The following TLE6 variants were observed in gnomAD, a reference collection of about 807,000 sequenced individuals.
TLE6 encodes TLE family member 6, subcortical maternal complex member, also known as transducin-like enhancer protein 6.
In TLE6, 72 loss-of-function variants were observed where a neutral mutation model predicts 77.1. That is an observed-to-expected ratio of 0.93 (90% CI 0.77 to 1.14). TLE6 has a LOEUF of 1.14. Among genes scored for constraint, TLE6 ranks in the 50% most tolerant of loss-of-function variants. The probability of loss-of-function intolerance (pLI) is 0.00; values close to 1 mark genes in which losing one functional copy is unlikely to be tolerated. For missense variants in TLE6, 843 were observed against 747.6 expected (o/e 1.13, Z -1.49); for synonymous variants, 366 against 287.3 (o/e 1.27, Z -2.77).
At chr19:2,992,219 TC>T (rs1337515986) in intron 14 of TLE6, among the ~76,000 whole-genome samples, 1 of 152,034 alleles carries the variant, frequency 6.6e-6, no homozygotes, top group Non-Finnish European at 1.5e-5. Context: ...ACACCTGTAA[TC>T]CCAGCACTTT....
In TLE6 at chr19:2,980,134, C is replaced by T. The variant is rs1484029628; in HGVS notation, c.86C>T (p.Pro29Leu). Reference sequence around the variant, plus strand: ...GGGATCTCGAACTCTGAGAGCTCTCCGACGCTGAATTATCAGGGCATTCTA... The same window carrying T: ...GGGATCTCGAACTCTGAGAGCTCTCTGACGCTGAATTATCAGGGCATTCTA... ...CPGISNSESS[P>L]TLNYQGILNR... The change falls in exon 3 of 17, where the codon CCG becomes CTG. Residue 29 changes from proline to leucine, a missense_variant. Pro to Leu is a moderately conservative substitution (Grantham distance 98, BLOSUM62 -3). Coordinates refer to ENST00000246112, the MANE Select transcript of TLE6 (RefSeq NM_001143986.2). 1.0e-5 allele frequency: 16 copies of T among 1,550,120 alleles called. No individual in the cohort carries two copies. The highest frequency in any genetic ancestry group is 4.9e-5 in the East Asian group (2 of 40,834).
At chr19:2,980,622 A>G (rs1189336121) in intron 3 of TLE6, among the ~76,000 whole-genome samples, 4 of 151,596 alleles carry the variant, frequency 2.6e-5, no homozygotes, top group Non-Finnish European at 5.9e-5. Context: ...TGTAATCCCA[A>G]CTACTTGGGA....
intron 5 of TLE6, among the ~76,000 whole-genome samples, chr19:2,984,973 G>A (rs2088877544): frequency 6.6e-6 from 1 of 152,014 alleles, no homozygotes; most frequent in Non-Finnish European, 1.5e-5. Flanking sequence ...ACACCAGACT[G>A]GGTGAGGTGG....
chr19:2,979,408 G>A (rs865785134), intron 2 of TLE6, among the ~76,000 whole-genome samples: 20 of 151,626 alleles, frequency 1.3e-4, no homozygotes, highest in Middle Eastern at 3.4e-3. Context: ...CACCACGCCC[G>A]GCTAATTTTT....
chr19:2,986,257 T>A (rs746882515), intron 5 of TLE6, among the ~76,000 whole-genome samples: 8 of 146,802 alleles, frequency 5.4e-5, no homozygotes, highest in Non-Finnish European at 1.0e-4. Flanking sequence ...CTACAAAAAG[T>A]GTATTTAAAT....
Position 2,994,105 on chromosome 19 carries a change from T to TG in TLE6, c.1614+13dup. On this transcript the variant is annotated intron_variant, in intron 16 of 16. Coordinates refer to ENST00000246112, the MANE Select transcript of TLE6 (RefSeq NM_001143986.2). The stretch of plus-strand genomic sequence containing the variant: ...GACAAAAGTGTTCGAGGTACTGCGG[T>TG]GGGCTGGGGGCAGGACCCGGGGGTG... The TG allele has an allele frequency of 6.6e-7, 1 of 1,509,900 alleles. No individual in the cohort carries two copies. 93.5% of individuals were successfully genotyped at this position (1,509,900 alleles called of 1,614,324 possible).
intron 3 of TLE6, 197 bp downstream of exon 3, chr19:2,980,379 A>C: frequency 2.5e-6 from 1 of 408,054 alleles, no homozygotes; most frequent in African/African-American, 2.1e-5. Flanking sequence ...ATTACCAACA[A>C]ATATTAAAAT....
Position 2,988,082 on chromosome 19 carries a change from C to A in TLE6, c.703-9C>A. 1 of 1,552,770 alleles carries A rather than the reference C, an allele frequency of 6.4e-7. No homozygotes were observed. The highest frequency in any genetic ancestry group is 8.7e-7 in the Non-Finnish European group (1 of 1,147,560). On this transcript the variant is annotated splice_polypyrimidine_tract_variant and intron_variant, in intron 10 of 16. Transcript: ENST00000246112. ...GGCTGGGGGCAGCTGTGATCTCCCC[C>A]GCCTGCAGGAGCCTCCTGGAAGAGC...
chr19:2,987,213 T>C lies in TLE6; in HGVS notation c.516T>C (p.Asp172=). The change falls in exon 7 of 17, where the codon GAT becomes GAC. Residue 172 remains aspartate, a synonymous_variant. Transcript: ENST00000246112. ...GGCGGATTTTTGCCGGCGTCCACGA[T>C]GAGAAGGCAAAGCCCAGAGACAGAC... is the stretch of plus-strand genomic sequence containing the variant. The part of the protein sequence containing the change: ...QLWRIFAGVH[D]EKAKPRDRQQ... The C allele has an allele frequency of 6.2e-7, 1 of 1,614,042 alleles. No individual in the cohort carries two copies. Among genetic ancestry groups the C allele is most frequent in the Non-Finnish European group, 8.5e-7 (1 of 1,179,990 alleles).
At chr19:2,982,934 G>A (rs2088829184) in intron 5 of TLE6, among the ~76,000 whole-genome samples, 1 of 152,148 alleles carries the variant, frequency 6.6e-6, no homozygotes, top group Admixed American at 6.5e-5. Context: ...ATATGACATG[G>A]GAGTGAGGGG....
intron 15 of TLE6, 90 bp downstream of exon 15, chr19:2,993,672 C>G (rs968977383): frequency 2.7e-6 from 4 of 1,456,830 alleles, no homozygotes; most frequent in Non-Finnish European, 3.7e-6. Context: ...ACCCAACCCT[C>G]TAGGACACCT....
chr19:2,986,086 AAAAAAAAAAAAAAAAAAAAAAAAAG>A (rs943968695), intron 5 of TLE6, among the ~76,000 whole-genome samples: 10 of 129,110 alleles, frequency 7.7e-5, no homozygotes, highest in African/African-American at 3.6e-4. Flanking sequence ...AAAAAAAAAA[AAAAAAAAAAAAAAAAAAAAAAAAAG>A]ATATATGCCA....
Position 2,989,575 on chromosome 19 carries a change from A to G in TLE6, c.1034A>G (p.Asn345Ser). 6.2e-7 allele frequency: 1 copy of G among 1,613,562 alleles called. No individual in the cohort carries two copies. The highest frequency in any genetic ancestry group is 1.1e-5 in the South Asian group (1 of 91,060). Residue 345 changes from asparagine to serine, a missense_variant, in exon 13 of 17, where the codon AAC becomes AGC. Asn to Ser is a conservative substitution (Grantham distance 46, BLOSUM62 1). Coordinates refer to ENST00000246112, the MANE Select transcript of TLE6 (RefSeq NM_001143986.2). ...CTGCGCACCTGCCTGCTGTCCTCAA[A>G]CAGCAGGAGCCTGCTCACCGGTGGC... ...AFLRTCLLSS[N>S]SRSLLTGGYN...
chr19:2,980,475 C>T (rs967945136), intron 3 of TLE6: 1 of 239,090 alleles, frequency 4.2e-6, no homozygotes, highest in Non-Finnish European at 8.4e-6. Context: ...GTGGCTCGCA[C>T]CTGTAATCCC....
chr19:2,979,004 T>G (rs1327698908), intron 2 of TLE6, among the ~76,000 whole-genome samples: 1 of 152,126 alleles, frequency 6.6e-6, no homozygotes, highest in Non-Finnish European at 1.5e-5. Flanking sequence ...TCGGCTGGAA[T>G]GCAATGGCGC....
intron 13 of TLE6, among the ~76,000 whole-genome samples, chr19:2,990,370 A>T (rs1326870210): frequency 1.3e-5 from 2 of 151,574 alleles, no homozygotes; most frequent in East Asian, 3.9e-4. Context: ...AGGGAGGCCG[A>T]GGCAGGCAGA....
intron 4 of TLE6, 150 bp from the exon 5 acceptor site, chr19:2,981,998 G>A: frequency 1.4e-6 from 1 of 736,656 alleles, no homozygotes; most frequent in Non-Finnish European, 2.3e-6. Flanking sequence ...CCATACATCA[G>A]TGTAGTAAGA....
Position 2,980,192 on chromosome 19 carries a change from A to C in TLE6, c.134+10A>C. 6.5e-7 allele frequency: 1 copy of C among 1,544,932 alleles called. No homozygotes were observed. The highest frequency in any genetic ancestry group is 8.8e-7 in the Non-Finnish European group (1 of 1,142,626). On this transcript the variant is annotated intron_variant, in intron 3 of 16. Coordinates refer to ENST00000246112, the MANE Select transcript of TLE6 (RefSeq NM_001143986.2). ...TCAAGCAGTTCCCCAGGTGAGAGCAATTCCAGGGGCCGGAGGTCTCACGCT... is the reference window on the plus strand; with the variant it reads ...TCAAGCAGTTCCCCAGGTGAGAGCACTTCCAGGGGCCGGAGGTCTCACGCT...
At position 2,989,578 on chromosome 19, in the gene TLE6, G is replaced by A; in HGVS notation, c.1037G>A (p.Ser346Asn). 3 of 1,613,632 alleles carry A rather than the reference G, an allele frequency of 1.9e-6. No homozygotes were observed. Among genetic ancestry groups the A allele is most frequent in the Admixed American group, 3.3e-5 (2 of 60,018 alleles). ...CGCACCTGCCTGCTGTCCTCAAACA[G>A]CAGGAGCCTGCTCACCGGTGGCTAC... Reference protein sequence around the residue: ...FLRTCLLSSNSRSLLTGGYNL... With the variant: ...FLRTCLLSSNNRSLLTGGYNL... Residue 346 changes from serine to asparagine, a missense_variant, in exon 13 of 17, where the codon AGC becomes AAC. Ser to Asn is a conservative substitution (Grantham distance 46, BLOSUM62 1). Transcript: ENST00000246112.
Sources: allele counts gnomAD v4.1 joint callset (sites outside exome capture counted in the v4.1 genomes callset), GRCh38; gene constraint gnomAD v4.1.1; transcripts MANE v1.5; gene names NCBI Gene and HGNC (gene_info 2026-07-23, HGNC 2026-07-21).